The following PTPRD variants were observed in gnomAD, a reference collection of about 807,000 sequenced individuals.
PTPRD encodes receptor-type tyrosine-protein phosphatase delta.
PTPRD carries 34 observed loss-of-function variants against 214.5 expected under a neutral mutation model. That is an observed-to-expected ratio of 0.16 (90% CI 0.12 to 0.21). PTPRD has a LOEUF of 0.21. Among genes scored for constraint, PTPRD ranks in the 10% least tolerant of loss-of-function variants. The probability of loss-of-function intolerance (pLI) is 1.00; values close to 1 mark genes in which losing one functional copy is unlikely to be tolerated. For missense variants in PTPRD, 2,545 were observed against 2,398.7 expected, an observed-to-expected ratio of 1.06 and a Z score of -1.27; for synonymous variants, 1,128 against 845.7, an observed-to-expected ratio of 1.33 and a Z score of -5.79.
chr9:9,140,704 A>G lies in PTPRD; in HGVS notation c.-143+42600T>C, dbSNP rs1023787448. Among the ~76,000 whole-genome samples, 23 of 152,212 alleles carry G rather than the reference A, an allele frequency of 1.5e-4. No homozygotes were observed. The East Asian group carries it at 2.7e-3, about 18-fold the overall frequency. On this transcript the variant is annotated intron_variant, in intron 10 of 45. Coordinates refer to ENST00000381196, the MANE Select transcript of PTPRD (RefSeq NM_002839.4). ...CGCCATTCTCCTGCCTCAGCCTCCT[A>G]AGTAGCTGGGACTACAGGTGCCCGC...
intron 7 of PTPRD, among the ~76,000 whole-genome samples, chr9:9,619,629 A>G (rs1244733213): frequency 6.9e-6 from 1 of 145,542 alleles, no homozygotes; most frequent in African/African-American, 2.5e-5. Context: ...ATAATAATCT[A>G]TATGTTAATA....
chr9:9,494,020 AT>A (rs1197738891), intron 8 of PTPRD, among the ~76,000 whole-genome samples: 1 of 152,114 alleles, frequency 6.6e-6, no homozygotes, highest in Non-Finnish European at 1.5e-5. Flanking sequence ...ATCCTCATGA[AT>A]GGCTATGAGG....
At chr9:10,267,437 A>G (rs1410707231) in intron 3 of PTPRD, among the ~76,000 whole-genome samples, 1 of 152,188 alleles carries the variant, frequency 6.6e-6, no homozygotes, top group Non-Finnish European at 1.5e-5. Flanking sequence ...GTCGTGGTTT[A>G]TGAATAAAAA....
At chr9:8,910,033 A>ATTAT (rs1375736786) in intron 11 of PTPRD, among the ~76,000 whole-genome samples, 87 of 151,582 alleles carry the variant, frequency 5.7e-4, no homozygotes, top group Admixed American at 4.5e-3. Flanking sequence ...TTATTTATTT[A>ATTAT]TTATTTATTT....
intron 2 of PTPRD, among the ~76,000 whole-genome samples, chr9:10,534,087 G>C (rs2057146627): frequency 6.6e-6 from 1 of 151,452 alleles, no homozygotes; most frequent in Non-Finnish European, 1.5e-5. Context: ...TTTAAGAAGA[G>C]TTCTAAAAAA....
chr9:9,725,625 T>A (rs991024322), intron 7 of PTPRD, among the ~76,000 whole-genome samples: 1 of 152,200 alleles, frequency 6.6e-6, no homozygotes, highest in African/African-American at 2.4e-5. Context: ...TCTGGTTTCT[T>A]GAATTTCATT....
intron 2 of PTPRD, among the ~76,000 whole-genome samples, chr9:10,498,413 G>A (rs192098775): frequency 1.4e-4 from 22 of 151,886 alleles, no homozygotes; most frequent in African/African-American, 5.1e-4. Context: ...AGCTTTATTG[G>A]CACTAATAAT....
intron 10 of PTPRD, among the ~76,000 whole-genome samples, chr9:9,179,577 T>A (rs1207757067): frequency 6.6e-6 from 1 of 152,242 alleles, no homozygotes; most frequent in East Asian, 1.9e-4. Flanking sequence ...AGCCATTGAT[T>A]AAGCATCTAT....
At position 8,688,293 on chromosome 9, in the gene PTPRD, G is replaced by A. The variant is rs181036416; in HGVS notation, c.64+45487C>T. Among the ~76,000 whole-genome samples, 55 of 152,298 alleles carry A rather than the reference G, an allele frequency of 3.6e-4. No individual in the cohort carries two copies. The East Asian group carries it at 4.4e-3, about 12-fold the overall frequency. On this transcript the variant is annotated intron_variant, in intron 12 of 45. Transcript: ENST00000381196. Reference sequence around the variant, plus strand: ...TCAAAAAGGAAAAATATAGCCAGGCGTGGTGGCTGACGCCTGTAATCCCAG... The same window carrying A: ...TCAAAAAGGAAAAATATAGCCAGGCATGGTGGCTGACGCCTGTAATCCCAG...
chr9:9,205,634 C>A (rs2099944377), intron 9 of PTPRD, among the ~76,000 whole-genome samples: 1 of 152,098 alleles, frequency 6.6e-6, no homozygotes, highest in African/African-American at 2.4e-5. Context: ...CATTTTATAT[C>A]TTTTTTGTGG....
intron 4 of PTPRD, among the ~76,000 whole-genome samples, chr9:9,992,053 G>C (rs536383636): frequency 3.3e-5 from 5 of 152,266 alleles, no homozygotes; most frequent in African/African-American, 1.2e-4. Flanking sequence ...ACCCATGAGA[G>C]TTAGAAAGTA....
intron 3 of PTPRD, among the ~76,000 whole-genome samples, chr9:10,192,467 A>G (rs1564434148): frequency 2.0e-5 from 3 of 151,586 alleles, no homozygotes; most frequent in African/African-American, 7.3e-5. Context: ...AAAAAAAAAA[A>G]AAAGCTGTTA....
intron 3 of PTPRD, among the ~76,000 whole-genome samples, chr9:10,077,694 T>G (rs1426019388): frequency 6.6e-6 from 1 of 152,162 alleles, no homozygotes; most frequent in Non-Finnish European, 1.5e-5. Context: ...CCCTTCTTTG[T>G]GTCCATATGT....
At chr9:9,770,908 T>C (rs767785634) in intron 5 of PTPRD, among the ~76,000 whole-genome samples, 1 of 152,076 alleles carries the variant, frequency 6.6e-6, no homozygotes, top group Non-Finnish European at 1.5e-5. Context: ...AAAAGAGAGG[T>C]CTATATTTAG....
At chr9:10,098,384 C>A (rs2098515501) in intron 3 of PTPRD, among the ~76,000 whole-genome samples, 1 of 151,180 alleles carries the variant, frequency 6.6e-6, no homozygotes, top group Admixed American at 6.6e-5. Flanking sequence ...AGGAGATATA[C>A]CTAATGCTAA....
intron 5 of PTPRD, among the ~76,000 whole-genome samples, chr9:9,862,729 CG>C (rs34018802): frequency 0.17 from 3,191 of 18,748 alleles, 21 homozygotes; most frequent in African/African-American, 0.23. Flanking sequence ...TGGTGGGGGG[CG>C]GGGGGGGGAG....
intron 5 of PTPRD, among the ~76,000 whole-genome samples, chr9:9,845,466 T>C (rs1045338408): frequency 6.6e-6 from 1 of 151,604 alleles, no homozygotes; most frequent in African/African-American, 2.4e-5. Context: ...TTATAGAAGC[T>C]CATGAGCATA....
intron 11 of PTPRD, among the ~76,000 whole-genome samples, chr9:8,739,332 C>T (rs938293188): frequency 2.6e-5 from 4 of 152,206 alleles, no homozygotes; most frequent in Admixed American, 6.5e-5. Flanking sequence ...AATATTTTAA[C>T]GTGGTATAAA....
intron 39 of PTPRD, among the ~76,000 whole-genome samples, chr9:8,358,889 C>T (rs1472529678): frequency 2.6e-5 from 4 of 151,286 alleles, no homozygotes; most frequent in Non-Finnish European, 1.5e-5. Context: ...GGGCGGATCA[C>T]GAGGTCAGGA....
Sources: allele counts gnomAD v4.1 joint callset (sites outside exome capture counted in the v4.1 genomes callset), GRCh38; gene constraint gnomAD v4.1.1; transcripts MANE v1.5; gene names NCBI Gene and HGNC (gene_info 2026-07-23, HGNC 2026-07-21).